The following PCDH9 variants were observed in gnomAD, a reference collection of about 807,000 sequenced individuals.
PCDH9 encodes the protein protocadherin-9.
PCDH9 carries 24 observed loss-of-function variants against 70.6 expected under a neutral mutation model. The ratio of observed to expected loss-of-function variants is 0.34; its 90% CI spans 0.25 to 0.48. The LOEUF is 0.48. Among genes scored for constraint, PCDH9 ranks in the 20% least tolerant of loss-of-function variants. The probability of loss-of-function intolerance (pLI) is 0.99; values close to 1 mark genes in which losing one functional copy is unlikely to be tolerated. For synonymous variants in PCDH9, 562 were observed against 558.5 expected, an observed-to-expected ratio of 1.01 and a Z score of -0.09; for missense variants, 1,281 against 1,503.6, an observed-to-expected ratio of 0.85 and a Z score of 2.45.
At chr13:67,148,794 T>C (rs923892268) in intron 2 of PCDH9, among the ~76,000 whole-genome samples, 1 of 152,220 alleles carries the variant, frequency 6.6e-6, no homozygotes, top group Admixed American at 6.5e-5. Context: ...AGTCTACATG[T>C]TAAATGGCAA....
intron 4 of PCDH9, among the ~76,000 whole-genome samples, chr13:66,590,842 T>A (rs1421389840): frequency 1.3e-5 from 2 of 151,816 alleles, no homozygotes; most frequent in African/African-American, 2.4e-5. Context: ...TCCATTTACA[T>A]CCTCATATTG....
At chr13:66,620,739 A>T (rs1423145240) in intron 4 of PCDH9, among the ~76,000 whole-genome samples, 1 of 151,916 alleles carries the variant, frequency 6.6e-6, no homozygotes, top group Admixed American at 6.6e-5. Context: ...TCTTCATAGC[A>T]TCACTGCTTC....
In PCDH9 at chr13:66,487,629, C is replaced by T. The variant is rs533579353; in HGVS notation, c.3340+143581G>A. 7.9e-5 allele frequency among the ~76,000 whole-genome samples: 12 copies of T among 152,078 alleles called. No individual in the cohort carries two copies. In the East Asian group the frequency reaches 2.3e-3, roughly 29 times the overall value. ...ATAATATTATATGGACATCTTTAAA[C>T]GTTGTAAAATGACTTGTATGAATAA... On this transcript the variant is annotated intron_variant, in intron 4 of 4. Transcript: ENST00000377865.
intron 4 of PCDH9, among the ~76,000 whole-genome samples, chr13:66,358,249 T>C (rs1391890436): frequency 2.6e-5 from 4 of 151,998 alleles, no homozygotes; most frequent in Non-Finnish European, 5.9e-5. Context: ...TTATAAAATA[T>C]TAAATGCATA....
rs921779573 is a variant in PCDH9 at position 66,600,725 on chromosome 13, A to T, written c.3340+30485T>A. 1.0e-4 allele frequency among the ~76,000 whole-genome samples: 15 copies of T among 144,624 alleles called. 2 individuals are homozygous for T. The highest frequency in any genetic ancestry group is 6.7e-4 in the South Asian group (3 of 4,482). 94.9% of individuals were successfully genotyped at this position (144,624 alleles called of 152,430 possible). A position where few individuals can be genotyped will look rare whatever the true frequency, so the allele number is the denominator to read the frequency against. ...GAACTCTTTCTTATGTATTCATAAA[A>T]ATGAATGTATAATAACATTTTGGAT... On this transcript the variant is annotated intron_variant, in intron 4 of 4. Transcript: ENST00000377865.
chr13:66,611,150 T>C (rs1035346382), intron 4 of PCDH9, among the ~76,000 whole-genome samples: 2 of 152,198 alleles, frequency 1.3e-5, no homozygotes, highest in African/African-American at 4.8e-5. Context: ...GCCTGAACTT[T>C]AGGAAATTAA....
At chr13:66,831,552 C>A (rs1206357376) in intron 3 of PCDH9, among the ~76,000 whole-genome samples, 1 of 152,076 alleles carries the variant, frequency 6.6e-6, no homozygotes, top group African/African-American at 2.4e-5. Context: ...ACCTGGATGT[C>A]ACATGGTGTC....
chr13:67,191,502 G>T (rs542080362), intron 2 of PCDH9, among the ~76,000 whole-genome samples: 86 of 152,064 alleles, frequency 5.7e-4, no homozygotes, highest in South Asian at 1.5e-3. Flanking sequence ...CCTTTTAAAG[G>T]AAACTATTAT....
chr13:66,967,239 TA>T (rs2083446216), intron 2 of PCDH9, among the ~76,000 whole-genome samples: 1 of 152,088 alleles, frequency 6.6e-6, no homozygotes, highest in Non-Finnish European at 1.5e-5. Flanking sequence ...TTTAGTCTTA[TA>T]TATATGTATG....
rs575422065 is a variant in PCDH9 at position 66,562,012 on chromosome 13, C to G, written c.3340+69198G>C. 3.3e-5 allele frequency among the ~76,000 whole-genome samples: 5 copies of G among 152,124 alleles called. 1 individual carries two copies. In the South Asian group the frequency reaches 1.0e-3, roughly 32 times the overall value. ...AGCTCCACTCCTGAGCCAGCGAGAC[C>G]ACAAACCCACCAGAAGGAAGAAACT... On this transcript the variant is annotated intron_variant, in intron 4 of 4. Coordinates refer to ENST00000377865, the MANE Select transcript of PCDH9 (RefSeq NM_203487.3).
At chr13:66,630,096 T>G (rs907049693) in intron 4 of PCDH9, among the ~76,000 whole-genome samples, 3 of 152,200 alleles carry the variant, frequency 2.0e-5, no homozygotes, top group Admixed American at 2.0e-4. Flanking sequence ...AATTTCCCAC[T>G]TCGTGCAACC....
intron 3 of PCDH9, among the ~76,000 whole-genome samples, chr13:66,822,486 G>A (rs1012112466): frequency 1.4e-5 from 2 of 146,694 alleles, no homozygotes; most frequent in Non-Finnish European, 3.0e-5. Flanking sequence ...AATTTGTGAT[G>A]TCCTGGAATT....
intron 2 of PCDH9, among the ~76,000 whole-genome samples, chr13:67,097,788 G>C (rs2086353942): frequency 6.6e-6 from 1 of 152,184 alleles, no homozygotes; most frequent in Non-Finnish European, 1.5e-5. Context: ...ATGAAAACAA[G>C]AAAAACCAAT....
chr13:66,641,931 T>C (rs1029051220), intron 3 of PCDH9, among the ~76,000 whole-genome samples: 3 of 152,202 alleles, frequency 2.0e-5, no homozygotes, highest in African/African-American at 7.2e-5. Context: ...TTTAATTTTC[T>C]CAAAGGGTTT....
At chr13:67,119,015 A>T (rs2086830232) in intron 2 of PCDH9, among the ~76,000 whole-genome samples, 1 of 152,166 alleles carries the variant, frequency 6.6e-6, no homozygotes, top group South Asian at 2.1e-4. Context: ...GTGGTTTATA[A>T]CGGTGAATTA....
intron 2 of PCDH9, among the ~76,000 whole-genome samples, chr13:67,150,753 G>A (rs1463415225): frequency 2.0e-5 from 3 of 152,136 alleles, no homozygotes; most frequent in Non-Finnish European, 4.4e-5. Context: ...AAAGTAACTT[G>A]TACTCGCCCT....
At chr13:67,093,079 C>T (rs2086251115) in intron 2 of PCDH9, among the ~76,000 whole-genome samples, 1 of 152,132 alleles carries the variant, frequency 6.6e-6, no homozygotes, top group South Asian at 2.1e-4. Context: ...TTGTTGCCGT[C>T]TGAAACTTAA....
intron 2 of PCDH9, among the ~76,000 whole-genome samples, chr13:67,190,644 A>C (rs2088885840): frequency 6.6e-6 from 1 of 152,168 alleles, no homozygotes; most frequent in South Asian, 2.1e-4. Context: ...TAGTAATTAA[A>C]TTGTAGAATA....
At position 66,747,606 on chromosome 13, in the gene PCDH9, T is replaced by G. The variant is rs538056099; in HGVS notation, c.3139-116195A>C. Among the ~76,000 whole-genome samples, 8 of 152,234 alleles carry G rather than the reference T, an allele frequency of 5.3e-5. No individual in the cohort carries two copies. The East Asian group carries it at 1.5e-3, about 29-fold the overall frequency. On this transcript the variant is annotated intron_variant, in intron 3 of 4. Coordinates refer to ENST00000377865, the MANE Select transcript of PCDH9 (RefSeq NM_203487.3). ...TACTTATTAGGTGGTGCTTTTTTCT[T>G]CCAAAAATGTGTGTATTAATATACA... is the stretch of plus-strand genomic sequence containing the variant.
Sources: gnomAD v4.1 joint callset for allele counts (sites outside exome capture counted in the v4.1 genomes callset) on GRCh38, gnomAD v4.1.1 for gene constraint, MANE v1.5 for transcripts, NCBI Gene and HGNC (gene_info 2026-07-23, HGNC 2026-07-21) for gene names.